The following SPINDOC variants were observed in gnomAD, a reference collection of about 807,000 sequenced individuals.
SPINDOC encodes spindlin interactor and repressor of chromatin-binding protein.
In SPINDOC, 13 loss-of-function variants were observed where a neutral mutation model predicts 30.7. The ratio of observed to expected loss-of-function variants is 0.42; its 90% CI spans 0.28 to 0.67. The LOEUF is 0.67. Ranked by LOEUF, SPINDOC falls within the 30% of genes least tolerant of loss-of-function variation. SPINDOC has a pLI of 0.22. For synonymous variants in SPINDOC, 228 were observed against 211.4 expected (o/e 1.08, Z -0.68); for missense variants, 438 against 518.0 (o/e 0.85, Z 1.50).
chr11:63,823,335 CTTTA>C (rs1199237047), intron 5 of SPINDOC: 31 of 1,176,856 alleles, frequency 2.6e-5, no homozygotes, highest in Non-Finnish European at 5.4e-6. Flanking sequence ...TCTCTGAAGA[CTTTA>C]TTTAAATAAA....
intron 1 of SPINDOC, among the ~76,000 whole-genome samples, chr11:63,816,027 A>G (rs1227800864): frequency 6.6e-6 from 1 of 152,162 alleles, no homozygotes; most frequent in Non-Finnish European, 1.5e-5. Context: ...TCGGCCTCCC[A>G]AAGTGCTAGG....
chr11:63,821,703 A>G (rs1327968512), intron 5 of SPINDOC, among the ~76,000 whole-genome samples: 12 of 152,230 alleles, frequency 7.9e-5, no homozygotes, highest in Non-Finnish European at 1.5e-4. Context: ...AATGATGGCC[A>G]ACGAGGTGGC....
intron 1 of SPINDOC, 70 bp downstream of exon 1, chr11:63,813,883 C>T (rs2015265799): frequency 9.9e-6 from 14 of 1,411,140 alleles, no homozygotes; most frequent in South Asian, 1.5e-5. Flanking sequence ...CCTCCCCAGT[C>T]GGGGTCCGGG....
intron 5 of SPINDOC, 21 bp from the exon 6 acceptor site, chr11:63,826,907 T>C (rs1332344629): frequency 7.9e-7 from 1 of 1,271,012 alleles, no homozygotes; most frequent in Non-Finnish European, 1.1e-6. Context: ...CTGACTGCTC[T>C]CTGCTCTCAT....
At position 63,818,445 on chromosome 11, in the gene SPINDOC, G is replaced by A. The variant is rs566592602; in HGVS notation, c.607+80G>A. 2.5e-5 allele frequency: 40 copies of A among 1,604,878 alleles called. No homozygotes were observed. The African/African-American group carries it at 5.2e-4, about 21-fold the overall frequency. On this transcript the variant is annotated intron_variant, in intron 3 of 5. Coordinates refer to ENST00000294244, the MANE Select transcript of SPINDOC (RefSeq NM_138471.3). The surrounding 1 kb of genome is among the most constrained non-coding windows in gnomAD (Gnocchi z 5.3). ...GGTGAAATACAGGCCCTGTGTTCTG[G>A]GCAGGTATCTTCAGGAGCCCTGGGG...
At position 63,818,731 on chromosome 11, in the gene SPINDOC, G is replaced by A. The variant is rs1339188440; in HGVS notation, c.734-71G>A. ...ATCCGCATCAGTGAGGATGGAGCAG[G>A]GCCTGGGCGCAGGGCGCCTGCAGCT... is the stretch of plus-strand genomic sequence containing the variant. On this transcript the variant is annotated intron_variant, in intron 4 of 5. Coordinates refer to ENST00000294244, the MANE Select transcript of SPINDOC (RefSeq NM_138471.3). The surrounding 1 kb of genome is among the most constrained non-coding windows in gnomAD (Gnocchi z 5.3). The A allele has an allele frequency of 3.1e-6, 5 of 1,611,806 alleles. No homozygotes were observed. Among genetic ancestry groups the A allele is most frequent in the Non-Finnish European group, 4.2e-6 (5 of 1,179,414 alleles).
Position 63,827,389 on chromosome 11 carries a change from C to A in SPINDOC, c.*250C>A. On this transcript the variant is annotated 3_prime_UTR_variant, in exon 6 of 6. Coordinates refer to ENST00000294244, the MANE Select transcript of SPINDOC (RefSeq NM_138471.3). Reference sequence around the variant, plus strand: ...ACTGGGCCTGTGGAGAACACCTACCCCAGTCCTTCGCTGACCCCCACCTCT... The same window carrying A: ...ACTGGGCCTGTGGAGAACACCTACCACAGTCCTTCGCTGACCCCCACCTCT... The A allele has an allele frequency of 1.7e-6, 1 of 599,536 alleles. No homozygotes were observed. The highest frequency in any genetic ancestry group is 2.9e-6 in the Non-Finnish European group (1 of 344,704). The allele number at this position is 599,536 out of a possible 1,614,324, so 37.1% of individuals were successfully genotyped here.
chr11:63,819,997 G>A (rs2015464761), intron 5 of SPINDOC, among the ~76,000 whole-genome samples: 1 of 152,204 alleles, frequency 6.6e-6, no homozygotes, highest in African/African-American at 2.4e-5. Context: ...CCAGAGAATA[G>A]ATAAGATGAG....
intron 1 of SPINDOC, among the ~76,000 whole-genome samples, chr11:63,817,394 C>T (rs935363886): frequency 1.3e-5 from 2 of 152,100 alleles, no homozygotes; most frequent in Non-Finnish European, 1.5e-5. Flanking sequence ...CCTTCCTCAT[C>T]CTCAAGAAAG....
intron 1 of SPINDOC, among the ~76,000 whole-genome samples, chr11:63,814,505 C>G (rs1394949935): frequency 2.0e-5 from 3 of 152,186 alleles, no homozygotes; most frequent in Non-Finnish European, 2.9e-5. Flanking sequence ...CTCCCCTCCC[C>G]CTTCACCGAT....
rs568634191 is a variant in SPINDOC, at chr11:63,826,946, G to A, written c.953G>A (p.Arg318His). 3.2e-5 allele frequency: 50 copies of A among 1,579,664 alleles called. No homozygotes were observed. In the Middle Eastern group the frequency reaches 1.4e-3, roughly 44 times the overall value. ...TGCCCAGCTCCCCCTCCGGGGCTCC[G>A]CGGGACACTGGATCTCCAGGTTATC... ...SPSPAPPPGL[R>H]GTLDLQVIRV... The change falls in exon 6 of 6, where the codon CGC becomes CAC. Residue 318 changes from arginine (R) to histidine (H), a missense_variant. By Grantham distance (29) the Arg-to-His change is conservative. This residue lies in a region of SPINDOC where 300 missense variants were observed against 332.8 expected (regional missense o/e 0.90). Coordinates refer to ENST00000294244, the MANE Select transcript of SPINDOC (RefSeq NM_138471.3).
intron 5 of SPINDOC, 63 bp downstream of exon 5, chr11:63,819,065 TCA>T (rs2015436886): frequency 6.5e-6 from 7 of 1,081,406 alleles, no homozygotes; most frequent in Non-Finnish European, 7.3e-6. Flanking sequence ...GGGCCAGGCC[TCA>T]GAGAGGCTGC....
At chr11:63,815,706 G>C (rs929737042) in intron 1 of SPINDOC, among the ~76,000 whole-genome samples, 1 of 151,938 alleles carries the variant, frequency 6.6e-6, no homozygotes, top group Non-Finnish European at 1.5e-5. Context: ...TGCATGCGAG[G>C]AGATACAGAT....
At position 63,818,001 on chromosome 11, in the gene SPINDOC, G is replaced by A. The variant is rs533681874; in HGVS notation, c.324G>A (p.Ser108=). Residue 108 remains serine, a synonymous_variant, in exon 2 of 6, where the codon TCG becomes TCA. Transcript: ENST00000294244. This position sits in a 1 kb window ranked among gnomAD's most constrained non-coding sequence, Gnocchi z 5.3. ...IRAPSADTAR[S]HILEQHPHTL... Reference sequence around the variant, plus strand: ...CACCCTCGGCCGACACAGCTCGCTCGCACATCTTGGAGCAGCACCCTCACA... The same window carrying A: ...CACCCTCGGCCGACACAGCTCGCTCACACATCTTGGAGCAGCACCCTCACA... 7.7e-5 allele frequency: 125 copies of A among 1,614,034 alleles called. No homozygotes were observed. Among genetic ancestry groups the A allele is most frequent in the Non-Finnish European group, 9.0e-5 (106 of 1,180,044 alleles).
Position 63,819,001 on chromosome 11 carries a change from A to C in SPINDOC, c.933A>C (p.Pro311=). ...GGLPRAESPS[P]APPPGLRGTL... is the part of the protein sequence containing the mutation. The stretch of plus-strand genomic sequence containing the variant: ...TTCCCCGGGCGGAGAGCCCCTCTCC[A>C]GGTGAGCCCTCCTGAGAGGGAAGCA... The change falls in exon 5 of 6, where the codon CCA becomes CCC. Residue 311 remains proline, a splice_region_variant and synonymous_variant. Transcript: ENST00000294244. 1 of 1,608,702 alleles carries C rather than the reference A, an allele frequency of 6.2e-7. No homozygotes were observed. The highest frequency in any genetic ancestry group is 8.5e-7 in the Non-Finnish European group (1 of 1,177,830).
chr11:63,824,430 G>A (rs539476601), intron 5 of SPINDOC, among the ~76,000 whole-genome samples: 1 of 152,312 alleles, frequency 6.6e-6, no homozygotes, highest in South Asian at 2.1e-4. Context: ...GTAAGGGCCT[G>A]CAGGTTAGGG....
At position 63,827,602 on chromosome 11, in the gene SPINDOC, C is replaced by G. The variant is rs2015687212; in HGVS notation, c.*463C>G. On this transcript the variant is annotated 3_prime_UTR_variant, in exon 6 of 6. Coordinates refer to ENST00000294244, the MANE Select transcript of SPINDOC (RefSeq NM_138471.3). ...CTCCATTACCTCTTCCTGTCCCACC[C>G]CTGCAGAGGCCTGAAGCTGGGCCTG... The G allele has an allele frequency of 5.2e-6, 1 of 193,202 alleles. No homozygotes were observed. Among genetic ancestry groups the G allele is most frequent in the Non-Finnish European group, 1.1e-5 (1 of 91,320 alleles). 12.0% of individuals were successfully genotyped at this position (193,202 alleles called of 1,614,324 possible). A position where few individuals can be genotyped will look rare whatever the true frequency, so the allele number is the denominator to read the frequency against.
chr11:63,821,173 G>A (rs2015511448), intron 5 of SPINDOC, among the ~76,000 whole-genome samples: 1 of 152,076 alleles, frequency 6.6e-6, no homozygotes, highest in Admixed American at 6.6e-5. Context: ...AAGCTCTAGG[G>A]GAAAATCTAT....
chr11:63,823,944 G>C (rs2015592984), intron 5 of SPINDOC, among the ~76,000 whole-genome samples: 2 of 141,676 alleles, frequency 1.4e-5, no homozygotes, highest in African/African-American at 5.4e-5. Flanking sequence ...TTTTGCTCTT[G>C]TCGCCCAGGC....
Sources: allele counts gnomAD v4.1 joint callset (sites outside exome capture counted in the v4.1 genomes callset), GRCh38; gene constraint gnomAD v4.1.1; regional missense constraint gnomAD v4.1.1; non-coding constraint Gnocchi (gnomAD v3.1); transcripts MANE v1.5; gene names NCBI Gene and HGNC (gene_info 2026-07-23, HGNC 2026-07-21).